The following DEFB1 variants were observed in gnomAD, a reference collection of about 807,000 sequenced individuals.
DEFB1 encodes the protein defensin beta 1.
Under a neutral mutation model 2.6 loss-of-function variants are expected in DEFB1, and 4 were observed. The ratio of observed to expected loss-of-function variants is 1.53; its 90% CI spans 0.76 to 3.51. DEFB1 has a LOEUF of 3.51. DEFB1 is among the 30% of genes most tolerant of loss of function. The pLI is 0.01. For synonymous variants in DEFB1, 56 were observed against 28.5 expected (o/e 1.96, Z -3.07); for missense variants, 162 against 76.9 (o/e 2.11, Z -4.14).
At chr8:6,877,573 C>T (rs5743421) in intron 1 of DEFB1, among the ~76,000 whole-genome samples, 13 of 152,342 alleles carry the variant, frequency 8.5e-5, no homozygotes, top group Admixed American at 1.3e-4. Context: ...CTGTGACAAG[C>T]GCCATGACCC....
intron 1 of DEFB1, among the ~76,000 whole-genome samples, chr8:6,874,662 A>G (rs1466516363): frequency 6.6e-6 from 1 of 152,192 alleles, no homozygotes; most frequent in African/African-American, 2.4e-5. Flanking sequence ...GCTCAGCAGA[A>G]CAGTGGGGAA....
chr8:6,874,252 A>G (rs545543034), intron 1 of DEFB1, among the ~76,000 whole-genome samples: 207 of 152,302 alleles, frequency 1.4e-3, no homozygotes, highest in Non-Finnish European at 1.6e-3. Flanking sequence ...GGAACATCAC[A>G]TCCTACTAAC....
chr8:6,873,660 A>G (rs1266968391), intron 1 of DEFB1, among the ~76,000 whole-genome samples: 3 of 149,086 alleles, frequency 2.0e-5, no homozygotes, highest in Non-Finnish European at 4.5e-5. Flanking sequence ...ACACTGAGAC[A>G]CTGGGGGCTA....
At position 6,877,802 on chromosome 8, in the gene DEFB1, G is replaced by T. The variant is rs1366396970; in HGVS notation, c.56C>A (p.Ala19Asp). 2.5e-6 allele frequency: 4 copies of T among 1,613,698 alleles called. No individual in the cohort carries two copies. The highest frequency in any genetic ancestry group is 1.6e-4 in the Middle Eastern group (1 of 6,084). ...FTLCLLLSEM[A>D]SGGNFLTGLG... is the part of the protein sequence containing the mutation. ...TTGCAGGTACCAGAGCTTACCTGAGGCCATCTCAGACAAAAGTAAGCAGAG... is the reference window on the plus strand; with the variant it reads ...TTGCAGGTACCAGAGCTTACCTGAGTCCATCTCAGACAAAAGTAAGCAGAG... The change falls in exon 1 of 2, where the codon GCC becomes GAC. Residue 19 changes from alanine to aspartate, a missense_variant. Coordinates refer to ENST00000297439, the MANE Select transcript of DEFB1 (RefSeq NM_005218.4).
At chr8:6,871,841 T>C (rs972326132) in intron 1 of DEFB1, among the ~76,000 whole-genome samples, 2 of 152,186 alleles carry the variant, frequency 1.3e-5, no homozygotes, top group African/African-American at 4.8e-5. Flanking sequence ...CCTCCAGGAC[T>C]GCGAGGAAAT....
At chr8:6,871,508 C>A (rs960042678) in intron 1 of DEFB1, among the ~76,000 whole-genome samples, 1 of 152,158 alleles carries the variant, frequency 6.6e-6, no homozygotes, top group Non-Finnish European at 1.5e-5. Flanking sequence ...CAGCAGGCCG[C>A]CATGTTGCAA....
intron 1 of DEFB1, 152 bp from the exon 2 acceptor site, chr8:6,870,978 T>A: frequency 1.2e-6 from 1 of 861,618 alleles, no homozygotes; most frequent in Admixed American, 3.0e-5. Flanking sequence ...GGGCTACTCA[T>A]GAAATGAGGT....
At chr8:6,875,043 G>C (rs1452127601) in intron 1 of DEFB1, among the ~76,000 whole-genome samples, 2 of 143,644 alleles carry the variant, frequency 1.4e-5, no homozygotes, top group Middle Eastern at 3.6e-3. Context: ...AAAGTAACTT[G>C]ACCGTTACTT....
Position 6,870,806 on chromosome 8 carries a change from G to A in DEFB1, c.82C>T (p.Leu28Phe), listed in dbSNP as rs1806283084. 6.2e-7 allele frequency: 1 copy of A among 1,613,510 alleles called. No homozygotes were observed. The highest frequency in any genetic ancestry group is 2.2e-5 in the East Asian group (1 of 44,868). The change falls in exon 2 of 2, where the codon CTT (leucine) becomes TTT (phenylalanine). Residue 28 changes from leucine to phenylalanine, a missense_variant. Transcript: ENST00000297439. ...MASGGNFLTG[L>F]GHRSDHYNCV... ...TTGTAATGATCAGATCTGTGGCCAA[G>A]GCCTGTGAGAAAGTTACCACCTGTA...
At chr8:6,876,443 C>G (rs1806532868) in intron 1 of DEFB1, among the ~76,000 whole-genome samples, 1 of 152,052 alleles carries the variant, frequency 6.6e-6, no homozygotes, top group Non-Finnish European at 1.5e-5. Flanking sequence ...TGCCATTGCA[C>G]TCCAGCCTGG....
At chr8:6,876,776 C>T (rs1207519981) in intron 1 of DEFB1, among the ~76,000 whole-genome samples, 1 of 149,978 alleles carries the variant, frequency 6.7e-6, no homozygotes, top group East Asian at 2.0e-4. Flanking sequence ...GCACTTTAGC[C>T]TGGGTGACAG....
intron 1 of DEFB1, among the ~76,000 whole-genome samples, chr8:6,872,941 C>T (rs530900768): frequency 5.9e-5 from 9 of 152,308 alleles, no homozygotes; most frequent in Non-Finnish European, 7.3e-5. Context: ...AAGATGGAAC[C>T]TCTCCAAGTG....
rs764212110 is a variant in DEFB1, at chr8:6,871,967, C to T, written c.62-1141G>A. On this transcript the variant is annotated intron_variant, in intron 1 of 1. Transcript: ENST00000297439. ...GCTACCCTAGGAGACAGTACATTCT[C>T]ATGTTGCAGATCTCTGTTGGAAAGA... Among the ~76,000 whole-genome samples the T allele has an allele frequency of 2.6e-5, 4 of 152,326 alleles. No homozygotes were observed. In the East Asian group the frequency reaches 5.8e-4, roughly 22 times the overall value.
At chr8:6,874,116 CAT>C (rs1302152989) in intron 1 of DEFB1, among the ~76,000 whole-genome samples, 4 of 120,336 alleles carry the variant, frequency 3.3e-5, no homozygotes, top group African/African-American at 1.0e-4. Flanking sequence ...GAATATCTGA[CAT>C]ACACACACAC....
At position 6,870,676 on chromosome 8, in the gene DEFB1, C is replaced by T. The variant is rs1047031; in HGVS notation, c.*5G>A. The T allele has an allele frequency of 0.18, 293,498 of 1,612,484 alleles. 30,215 individuals are homozygous for T. Among genetic ancestry groups the T allele is most frequent in the East Asian group, 0.39 (17,315 of 44,860 alleles). On this transcript the variant is annotated 3_prime_UTR_variant, in exon 2 of 2. Transcript: ENST00000297439. Reference sequence around the variant, plus strand: ...TCTGCGTCATTTCTTCTGGTCACTCCCAGCTCACTTGCAGCACTTGGCCTT... The same window carrying T: ...TCTGCGTCATTTCTTCTGGTCACTCTCAGCTCACTTGCAGCACTTGGCCTT...
chr8:6,871,770 G>A (rs1806327393), intron 1 of DEFB1, among the ~76,000 whole-genome samples: 1 of 152,202 alleles, frequency 6.6e-6, no homozygotes, highest in Admixed American at 6.5e-5. Flanking sequence ...TCATCTACCA[G>A]CCAAGGACAG....
intron 1 of DEFB1, 85 bp from the exon 2 acceptor site, chr8:6,870,911 A>T (rs1806288948): frequency 7.1e-7 from 1 of 1,401,290 alleles, no homozygotes; most frequent in Non-Finnish European, 9.7e-7. Context: ...AGAACAAATA[A>T]CTGCAAAACA....
intron 1 of DEFB1, among the ~76,000 whole-genome samples, chr8:6,874,811 C>CCG (rs1806459563): frequency 2.6e-5 from 4 of 151,822 alleles, no homozygotes; most frequent in Admixed American, 2.6e-4. Context: ...GTGAAACCTG[C>CCG]TCTCTACTAA....
chr8:6,875,826 C>T (rs1439240544), intron 1 of DEFB1, among the ~76,000 whole-genome samples: 1 of 151,744 alleles, frequency 6.6e-6, no homozygotes, highest in East Asian at 1.9e-4. Context: ...ACAAACCAAG[C>T]TGTACTATTC....
Sources: gnomAD v4.1 joint callset for allele counts (sites outside exome capture counted in the v4.1 genomes callset) on GRCh38, gnomAD v4.1.1 for gene constraint, MANE v1.5 for transcripts, NCBI Gene and HGNC (gene_info 2026-07-23, HGNC 2026-07-21) for gene names.